The following SS18L1 variants were observed in gnomAD, a reference collection of about 807,000 sequenced individuals.
SS18L1 encodes the protein calcium-responsive transactivator.
SS18L1 carries 32 observed loss-of-function variants against 70.3 expected under a neutral mutation model. The observed-to-expected ratio is 0.46, with a 90% CI of 0.34 to 0.61. SS18L1 has a LOEUF of 0.61. Among genes scored for constraint, SS18L1 ranks in the 20% least tolerant of loss-of-function variants. The pLI, the probability that SS18L1 is intolerant of heterozygous loss-of-function variation, is 0.01. For synonymous variants in SS18L1, 237 were observed against 229.7 expected (o/e 1.03, Z -0.29); for missense variants, 430 against 542.1 (o/e 0.79, Z 2.05).
At chr20:62,163,648 G>C (rs200317504) in intron 6 of SS18L1, 26 bp downstream of exon 6, 2 of 1,531,094 alleles carry the variant, frequency 1.3e-6, no homozygotes, top group Admixed American at 2.0e-5. Flanking sequence ...GCCAGGTCGC[G>C]GGCACAGCTG....
At chr20:62,170,670 G>A (rs569855289) in intron 8 of SS18L1, among the ~76,000 whole-genome samples, 115 of 152,284 alleles carry the variant, frequency 7.6e-4, no homozygotes, top group African/African-American at 1.6e-3. Context: ...CACAGATGTC[G>A]TGCCCCCTTT....
intron 1 of SS18L1, among the ~76,000 whole-genome samples, chr20:62,156,956 G>A (rs149089617): frequency 2.0e-5 from 3 of 152,360 alleles, no homozygotes; most frequent in East Asian, 3.9e-4. Flanking sequence ...AGCAGCAGGC[G>A]TGGTGGGCTC....
At chr20:62,170,482 G>T (rs1196708164) in intron 8 of SS18L1, among the ~76,000 whole-genome samples, 7 of 152,084 alleles carry the variant, frequency 4.6e-5, no homozygotes, top group African/African-American at 1.7e-4. Flanking sequence ...CTCCAGCCTG[G>T]GTGACAGAGC....
intron 1 of SS18L1, among the ~76,000 whole-genome samples, chr20:62,153,400 C>G (rs1457668699): frequency 6.6e-6 from 1 of 152,248 alleles, no homozygotes; most frequent in South Asian, 2.1e-4. Flanking sequence ...TTGCCCTTCT[C>G]AAGGCCAAAC....
At chr20:62,145,669 G>A (rs1005333125) in intron 1 of SS18L1, among the ~76,000 whole-genome samples, 1 of 152,196 alleles carries the variant, frequency 6.6e-6, no homozygotes, top group Non-Finnish European at 1.5e-5. Flanking sequence ...TGTGGACCGT[G>A]GGTCCCTGGG....
intron 10 of SS18L1, chr20:62,175,550 A>C: frequency 1.1e-5 from 7 of 652,356 alleles, no homozygotes; most frequent in Non-Finnish European, 1.3e-5. Flanking sequence ...ATGAAGGAGA[A>C]TGGTCTGGGA....
At position 62,161,081 on chromosome 20, in the gene SS18L1, G is replaced by A. The variant is rs1469621838; in HGVS notation, c.232-355G>A. 6.6e-6 allele frequency among the ~76,000 whole-genome samples: 1 copy of A among 151,824 alleles called. No homozygotes were observed. The highest frequency in any genetic ancestry group is 1.5e-5 in the Non-Finnish European group (1 of 67,984). Reference sequence around the variant, plus strand: ...GGGGTCGTGGTTGGGGAGCACAGAGGCGCTGGTCACCTGCGCCCGAGGGGG... The same window carrying A: ...GGGGTCGTGGTTGGGGAGCACAGAGACGCTGGTCACCTGCGCCCGAGGGGG... On this transcript the variant is annotated intron_variant, in intron 3 of 10. Transcript: ENST00000331758. The surrounding 1 kb of genome is among the most constrained non-coding windows in gnomAD (Gnocchi z 4.4).
In SS18L1 at chr20:62,174,862, C is replaced by G; in HGVS notation, c.1164+218C>G. The G allele has an allele frequency of 7.0e-7, 1 of 1,436,388 alleles. No homozygotes were observed. 89.0% of individuals were successfully genotyped at this position (1,436,388 alleles called of 1,614,324 possible). A position where few individuals can be genotyped will look rare whatever the true frequency, so the allele number is the denominator to read the frequency against. ...CAGCTGGCTTTTCATACCCTAAGCT[C>G]ACCGTTAGATCTGCACGCCTGGTTC... is the stretch of plus-strand genomic sequence containing the variant. On this transcript the variant is annotated intron_variant, in intron 10 of 10. Transcript: ENST00000331758. The surrounding 1 kb of genome is among the most constrained non-coding windows in gnomAD (Gnocchi z 4.1).
chr20:62,149,758 CG>C (rs2057094401), intron 1 of SS18L1, among the ~76,000 whole-genome samples: 1 of 152,182 alleles, frequency 6.6e-6, no homozygotes, highest in African/African-American at 2.4e-5. Flanking sequence ...AAGGAATGGC[CG>C]GAATTTATCC....
chr20:62,168,600 C>T (rs985095691), intron 8 of SS18L1, among the ~76,000 whole-genome samples: 43 of 152,172 alleles, frequency 2.8e-4, no homozygotes, highest in African/African-American at 9.6e-4. Context: ...CAGAGGATCA[C>T]GTGAGCCTGA....
chr20:62,162,573 G>C, intron 4 of SS18L1, 179 bp from the exon 5 acceptor site: 1 of 640,842 alleles, frequency 1.6e-6, no homozygotes, highest in Non-Finnish European at 2.5e-6. Flanking sequence ...CAAAGTGCTG[G>C]GATTACAGGC....
intron 1 of SS18L1, among the ~76,000 whole-genome samples, chr20:62,149,769 C>T (rs146629495): frequency 6.6e-6 from 1 of 152,320 alleles, no homozygotes; most frequent in Non-Finnish European, 1.5e-5. Flanking sequence ...GGAATTTATC[C>T]GTGGTATTCG....
chr20:62,167,323 G>A (rs7265396), intron 8 of SS18L1, among the ~76,000 whole-genome samples: 13,828 of 150,262 alleles, frequency 0.092, 2,016 homozygotes, highest in African/African-American at 0.31. Flanking sequence ...GATTACAGGC[G>A]TGAGCCACCG....
chr20:62,176,298 A>C (rs944648079), intron 10 of SS18L1, among the ~76,000 whole-genome samples: 6 of 152,118 alleles, frequency 3.9e-5, no homozygotes, highest in Non-Finnish European at 8.8e-5. Context: ...CAGGAGGATC[A>C]CTAGAGCCCA....
chr20:62,145,727 T>C (rs1245152453), intron 1 of SS18L1, among the ~76,000 whole-genome samples: 3 of 152,242 alleles, frequency 2.0e-5, no homozygotes, highest in Non-Finnish European at 4.4e-5. Flanking sequence ...CAGTTTAGGC[T>C]GCTGACTTGG....
chr20:62,175,036 A>G (rs2057597168), intron 10 of SS18L1: 1 of 757,820 alleles, frequency 1.3e-6, no homozygotes, highest in Non-Finnish European at 1.6e-6. Context: ...ACAGGGCCAG[A>G]CTGTGCTGAG....
At position 62,159,902 on chromosome 20, in the gene SS18L1, C is replaced by T; in HGVS notation, c.172C>T (p.Leu58=). The part of the protein sequence containing the change: ...TQYQQILHRN[L]VYLATIADSN... The stretch of plus-strand genomic sequence containing the variant: ...GTACCAGCAGATCCTGCACCGGAAC[C>T]TGGTATACCTGGCCACGATCGCAGA... Residue 58 remains leucine (L), a synonymous_variant, in exon 3 of 11, where the codon CTG becomes TTG. Coordinates refer to ENST00000331758, the MANE Select transcript of SS18L1 (RefSeq NM_198935.3). This position sits in a 1 kb window ranked among gnomAD's most constrained non-coding sequence, Gnocchi z 4.4. 3 of 1,612,716 alleles carry T rather than the reference C, an allele frequency of 1.9e-6. No individual in the cohort carries two copies. The highest frequency in any genetic ancestry group is 1.7e-6 in the Non-Finnish European group (2 of 1,179,904).
chr20:62,150,971 A>G (rs991598543), intron 1 of SS18L1, among the ~76,000 whole-genome samples: 3 of 152,100 alleles, frequency 2.0e-5, no homozygotes, highest in Non-Finnish European at 4.4e-5. Context: ...AAAAGGTTCC[A>G]AAAGTCTTTG....
At position 62,169,983 on chromosome 20, in the gene SS18L1, C is replaced by T. The variant is rs1201758493; in HGVS notation, c.917-2699C>T. Among the ~76,000 whole-genome samples, 2 of 152,198 alleles carry T rather than the reference C, an allele frequency of 1.3e-5. 1 individual carries two copies. The highest frequency in any genetic ancestry group is 1.3e-4 in the Admixed American group (2 of 15,286). On this transcript the variant is annotated intron_variant, in intron 8 of 10. Coordinates refer to ENST00000331758, the MANE Select transcript of SS18L1 (RefSeq NM_198935.3). Reference sequence around the variant, plus strand: ...GGCCGGGGCCTGTGGGACTCATCTTCCCTGGGCAGTGCTGGGGCCGCCTTG... The same window carrying T: ...GGCCGGGGCCTGTGGGACTCATCTTTCCTGGGCAGTGCTGGGGCCGCCTTG...
Sources: allele counts gnomAD v4.1 joint callset (sites outside exome capture counted in the v4.1 genomes callset), GRCh38; gene constraint gnomAD v4.1.1; non-coding constraint Gnocchi (gnomAD v3.1); transcripts MANE v1.5; gene names NCBI Gene and HGNC (gene_info 2026-07-23, HGNC 2026-07-21).